Variants in ARID1B observed in about 807,000 individuals in gnomAD.
ARID1B encodes AT-rich interaction domain 1B, also known as AT-rich interactive domain-containing protein 1B.
In ARID1B, 30 loss-of-function variants were observed where a neutral mutation model predicts 212.3. The observed-to-expected ratio is 0.14, with a 90% confidence interval of 0.11 to 0.19. The LOEUF (loss-of-function observed/expected upper bound fraction) is 0.19, where lower values mean the gene tolerates loss of function less well. Among genes scored for constraint, ARID1B ranks in the 10% least tolerant of loss-of-function variants. The probability of loss-of-function intolerance (pLI) is 1.00; values close to 1 mark genes in which losing one functional copy is unlikely to be tolerated. For synonymous variants in ARID1B, 1,402 were observed against 1,301.7 expected (o/e 1.08, Z -1.66); for missense variants, 2,891 against 3,204.0 (o/e 0.90, Z 2.36).
intron 11 of ARID1B, among the ~76,000 whole-genome samples, chr6:157,180,444 T>C (rs1792430000): frequency 6.6e-6 from 1 of 151,692 alleles, no homozygotes; most frequent in Non-Finnish European, 1.5e-5. Flanking sequence ...ACTGGAAATC[T>C]ACCTTATATT....
intron 4 of ARID1B, among the ~76,000 whole-genome samples, chr6:157,065,794 G>A (rs927261117): frequency 4.6e-5 from 7 of 152,220 alleles, no homozygotes; most frequent in African/African-American, 1.7e-4. Context: ...ATTCTCTAAT[G>A]CCATGACAAA....
At position 157,193,318 on chromosome 6, in the gene ARID1B, G is replaced by A. The variant is rs566748877; in HGVS notation, c.4232-2847G>A. On this transcript the variant is annotated intron_variant, in intron 15 of 19. Coordinates refer to ENST00000636930, the MANE Select transcript of ARID1B (RefSeq NM_001374828.1). ...TTTCACATTGTAAGAATGTTTCTGCGAAATAGATTCCTAGAAGTAGAATTG... is the reference window on the plus strand; with the variant it reads ...TTTCACATTGTAAGAATGTTTCTGCAAAATAGATTCCTAGAAGTAGAATTG... Among the ~76,000 whole-genome samples the A allele has an allele frequency of 3.3e-5, 5 of 152,218 alleles. No individual in the cohort carries two copies. In the South Asian group the frequency reaches 6.2e-4, roughly 19 times the overall value.
At chr6:157,171,868 C>T (rs919315609) in intron 9 of ARID1B, among the ~76,000 whole-genome samples, 14 of 152,292 alleles carry the variant, frequency 9.2e-5, no homozygotes, top group East Asian at 5.8e-4. Flanking sequence ...TTACAAGTTG[C>T]GTTTGTGTAC....
Position 157,004,897 on chromosome 6 carries a change from C to CTTTTTTGT in ARID1B, c.2247+69327_2247+69328insGTTTTTTT, listed in dbSNP as rs1562542228. Among the ~76,000 whole-genome samples, 537 of 54,712 alleles carry CTTTTTTGT rather than the reference C, an allele frequency of 9.8e-3. 28 individuals carry two copies. Among genetic ancestry groups the CTTTTTTGT allele is most frequent in the Middle Eastern group, 0.022 (2 of 90 alleles). The allele number at this position is 54,712 out of a possible 152,430, so 35.9% of individuals were successfully genotyped here. A position where few individuals can be genotyped will look rare whatever the true frequency, so the allele number is the denominator to read the frequency against. ...TTTTTTCTTTTTCTTCTTCTTTTTT[C>CTTTTTTGT]TTTTTTTTTTTTTTTTTTTTTTTTT... On this transcript the variant is annotated intron_variant, in intron 4 of 19. Transcript: ENST00000636930.
chr6:157,001,530 C>G (rs1778914057), intron 4 of ARID1B, among the ~76,000 whole-genome samples: 1 of 152,174 alleles, frequency 6.6e-6, no homozygotes, highest in Admixed American at 6.5e-5. Flanking sequence ...CATGGTCTCC[C>G]TGTTTTAAGT....
intron 4 of ARID1B, among the ~76,000 whole-genome samples, chr6:157,075,984 A>G (rs1197103022): frequency 2.0e-5 from 3 of 152,194 alleles, no homozygotes; most frequent in African/African-American, 7.2e-5. Flanking sequence ...AAAAATATGA[A>G]TGAAGTCTCT....
intron 8 of ARID1B, among the ~76,000 whole-genome samples, chr6:157,159,692 G>A (rs1354907871): frequency 6.6e-6 from 1 of 152,258 alleles, no homozygotes; most frequent in Admixed American, 6.5e-5. Flanking sequence ...TCACCAAGAT[G>A]CAGGAGTGAA....
intron 3 of ARID1B, among the ~76,000 whole-genome samples, chr6:156,930,741 A>G (rs1278540628): frequency 2.6e-5 from 4 of 152,208 alleles, no homozygotes; most frequent in Admixed American, 2.6e-4. Context: ...GTAGATATTT[A>G]GTTGCAGATA....
chr6:157,054,409 A>T (rs892215852), intron 4 of ARID1B, among the ~76,000 whole-genome samples: 2 of 152,236 alleles, frequency 1.3e-5, no homozygotes, highest in Non-Finnish European at 2.9e-5. Context: ...TTAAAATGGT[A>T]GTGAGTTATA....
At chr6:157,074,431 G>T (rs1446271328) in intron 4 of ARID1B, among the ~76,000 whole-genome samples, 2 of 152,088 alleles carry the variant, frequency 1.3e-5, no homozygotes, top group Non-Finnish European at 2.9e-5. Context: ...CACCATGTTG[G>T]CCAGGCTGAT....
chr6:156,982,683 T>A lies in ARID1B; in HGVS notation c.2247+47107T>A, dbSNP rs79698529. Reference sequence around the variant, plus strand: ...CTGCCAATCTGACTGTTAAATTATCTTGTTTTTCTCTTTATATTTTTTAAT... The same window carrying A: ...CTGCCAATCTGACTGTTAAATTATCATGTTTTTCTCTTTATATTTTTTAAT... On this transcript the variant is annotated intron_variant, in intron 4 of 19. Coordinates refer to ENST00000636930, the MANE Select transcript of ARID1B (RefSeq NM_001374828.1). 5.9e-3 allele frequency among the ~76,000 whole-genome samples: 892 copies of A among 152,252 alleles called. 14 individuals are homozygous for A. Among genetic ancestry groups the A allele is most frequent in the African/African-American group, 0.021 (860 of 41,542 alleles).
chr6:157,180,381 C>CA (rs111639660), intron 11 of ARID1B, among the ~76,000 whole-genome samples: 9,113 of 146,008 alleles, frequency 0.062, 690 homozygotes, highest in African/African-American at 0.18. Context: ...AAAAAAAAAA[C>CA]AAAAAAAAAC....
At chr6:156,991,750 AATT>A (rs1778289117) in intron 4 of ARID1B, among the ~76,000 whole-genome samples, 1 of 152,194 alleles carries the variant, frequency 6.6e-6, no homozygotes, top group Non-Finnish European at 1.5e-5. Context: ...CATAGTAATA[AATT>A]ATTCTAAACG....
rs779048797 is a variant in ARID1B at position 157,167,143 on chromosome 6, C to T, written c.3193C>T (p.Pro1065Ser). The T allele has an allele frequency of 6.2e-7, 1 of 1,610,870 alleles. No individual in the cohort carries two copies. The highest frequency in any genetic ancestry group is 1.1e-5 in the South Asian group (1 of 91,080). The change falls in exon 9 of 20, where the codon CCG (proline) becomes TCG (serine). Residue 1065 changes from proline (P) to serine (S), a missense_variant. Pro to Ser is a moderately conservative substitution (Grantham distance 74). This residue lies in a region of ARID1B where 1,643 missense variants were observed against 1,544.0 expected (regional missense o/e 1.06). Transcript: ENST00000636930. ...CTCTAGCCTGATGAACACGCAGGCG[C>T]CGCCCTACAGCATGGCGCCCGCCAT... is the stretch of plus-strand genomic sequence containing the variant. ...NSSSLMNTQA[P>S]PYSMAPAMVN...
At chr6:157,113,160 A>G (rs542414304) in intron 6 of ARID1B, among the ~76,000 whole-genome samples, 4 of 152,152 alleles carry the variant, frequency 2.6e-5, no homozygotes, top group African/African-American at 4.8e-5. Context: ...ACCTCAGGTG[A>G]TGTACCTGCC....
intron 4 of ARID1B, chr6:157,024,640 C>CA (rs1289748587): frequency 6.6e-6 from 1 of 152,430 alleles, no homozygotes; most frequent in Non-Finnish European, 1.5e-5. Context: ...GATCTGGTGG[C>CA]ACACACCTGT....
intron 2 of ARID1B, among the ~76,000 whole-genome samples, chr6:156,831,635 T>A (rs763219304): frequency 1.8e-4 from 28 of 152,234 alleles, no homozygotes; most frequent in Non-Finnish European, 3.2e-4. Flanking sequence ...TACACAGATA[T>A]ATAGAGTAAT....
At chr6:156,921,584 G>A (rs1456583092) in intron 3 of ARID1B, among the ~76,000 whole-genome samples, 2 of 151,896 alleles carry the variant, frequency 1.3e-5, no homozygotes, top group Non-Finnish European at 2.9e-5. Flanking sequence ...GTAGAAGATT[G>A]GTAAAGTTGA....
intron 11 of ARID1B, 135 bp from the exon 12 acceptor site, chr6:157,180,834 T>G: frequency 1.4e-6 from 1 of 690,620 alleles, no homozygotes. Context: ...CCTTCATTCC[T>G]AATTGTTGTG....
Sources: gnomAD v4.1 joint callset for allele counts (sites outside exome capture counted in the v4.1 genomes callset) on GRCh38, gnomAD v4.1.1 for gene constraint, gnomAD v4.1.1 regional missense constraint, MANE v1.5 for transcripts, NCBI Gene and HGNC (gene_info 2026-07-23, HGNC 2026-07-21) for gene names.